SULT6B1: variants seen among roughly 807,000 people sequenced by gnomAD.
SULT6B1 encodes sulfotransferase family 6B member 1, also known as sulfotransferase 6B1.
SULT6B1 carries 44 observed loss-of-function variants against 37.2 expected under a neutral mutation model. The ratio of observed to expected loss-of-function variants is 1.18; its 90% confidence interval spans 0.93 to 1.52. The LOEUF is 1.52. SULT6B1 is among the 40% of genes most tolerant of loss of function. SULT6B1 has a pLI of 0.00. For synonymous variants in SULT6B1, 140 were observed against 126.0 expected, an observed-to-expected ratio of 1.11 and a Z score of -0.74; for missense variants, 450 against 361.0, an observed-to-expected ratio of 1.25 and a Z score of -2.00.
At chr2:37,182,754 A>T (rs1553343540) in intron 3 of SULT6B1, among the ~76,000 whole-genome samples, 1 of 152,236 alleles carries the variant, frequency 6.6e-6, no homozygotes, top group Non-Finnish European at 1.5e-5. Flanking sequence ...GTTGGGTAAA[A>T]ACTAGTAATT....
At chr2:37,179,890 G>C (rs984413030) in intron 3 of SULT6B1, among the ~76,000 whole-genome samples, 3 of 152,144 alleles carry the variant, frequency 2.0e-5, no homozygotes, top group Non-Finnish European at 2.9e-5. Flanking sequence ...AATCACAAGA[G>C]TATGACCTGA....
rs752501613 is a variant in SULT6B1, at chr2:37,188,477, T to G, written c.164A>C (p.His55Pro). ...ATAAGATGCTAGCACGATGTCATCA[T>G]GTCTGGCTTCGAAGGTGTCCAGCGC... ...FQALDTFEAR[H>P]DDIVLASYPK... The change falls in exon 1 of 7, where the codon CAT (histidine) becomes CCT (proline). Residue 55 changes from histidine (H) to proline (P), a missense_variant. Transcript: ENST00000535679. 1.9e-6 allele frequency: 3 copies of G among 1,614,186 alleles called. No homozygotes were observed. The Admixed American group carries it at 5.0e-5, about 27-fold the overall frequency.
chr2:37,174,574 C>T (rs1471995548), intron 5 of SULT6B1, among the ~76,000 whole-genome samples: 1 of 152,112 alleles, frequency 6.6e-6, no homozygotes, highest in Non-Finnish European at 1.5e-5. Context: ...TTTTCCTTCA[C>T]CAGCTATGCT....
At chr2:37,186,957 C>G (rs189105140) in intron 2 of SULT6B1, among the ~76,000 whole-genome samples, 1 of 152,182 alleles carries the variant, frequency 6.6e-6, no homozygotes, top group Non-Finnish European at 1.5e-5. Flanking sequence ...CTGCACAGGT[C>G]CATGTCTTCA....
In SULT6B1 at chr2:37,167,955, C is replaced by G. The variant is rs772460482; in HGVS notation, c.892G>C (p.Glu298Gln). Residue 298 changes from glutamate to glutamine, a missense_variant, in exon 7 of 7, where the codon GAA (glutamate) becomes CAA (glutamine). Glu to Gln is a conservative substitution (Grantham distance 29, BLOSUM62 2). Coordinates refer to ENST00000535679, the MANE Select transcript of SULT6B1 (RefSeq NM_001367551.1). ...TGGAATCAACCCTGGCAATATGATT[C>G]ATACTTCAACTTTGCTCCGAGGGAG... ...GTSLGAKLKY[E>Q]SYCQG 1 of 1,594,802 alleles carries G rather than the reference C, an allele frequency of 6.3e-7. No individual in the cohort carries two copies. Among genetic ancestry groups the G allele is most frequent in the South Asian group, 1.2e-5 (1 of 86,850 alleles).
At chr2:37,182,480 A>G (rs908592566) in intron 3 of SULT6B1, among the ~76,000 whole-genome samples, 4 of 152,040 alleles carry the variant, frequency 2.6e-5, no homozygotes, top group African/African-American at 9.7e-5. Context: ...CAAAAAACGC[A>G]ATTACTTTTG....
At position 37,175,176 on chromosome 2, in the gene SULT6B1, C is replaced by G; in HGVS notation, c.580G>C (p.Asp194His). 4 of 1,586,510 alleles carry G rather than the reference C, an allele frequency of 2.5e-6. No individual in the cohort carries two copies. Among genetic ancestry groups the G allele is most frequent in the Non-Finnish European group, 3.4e-6 (4 of 1,165,208 alleles). ...AATATGAACTTAACATTGTCGCCAT[C>G]AAGATGTTTGTTCCAATTGATTGCA... ...DFAINWNKHL[D>H]GDNVKFILYE... Residue 194 changes from aspartate (D) to histidine (H), a missense_variant, in exon 5 of 7, where the codon GAT becomes CAT. Asp to His is a moderately conservative substitution (Grantham distance 81, BLOSUM62 -1). Coordinates refer to ENST00000535679, the MANE Select transcript of SULT6B1 (RefSeq NM_001367551.1).
At chr2:37,191,759 C>T (rs1037350263), upstream of SULT6B1, among the ~76,000 whole-genome samples, 1 of 152,158 alleles carries the variant, frequency 6.6e-6, no homozygotes. Flanking sequence ...TACTGTATCC[C>T]CCACCCTTCA....
chr2:37,191,928 C>G (rs138773304), upstream of SULT6B1, among the ~76,000 whole-genome samples: 58 of 152,314 alleles, frequency 3.8e-4, no homozygotes, highest in East Asian at 9.3e-3. Flanking sequence ...GTTTGGGTGT[C>G]ACCATGTTCC....
At chr2:37,183,396 A>G (rs1485396877) in intron 3 of SULT6B1, 29 bp downstream of exon 3, 1 of 1,565,830 alleles carries the variant, frequency 6.4e-7, no homozygotes, top group African/African-American at 1.4e-5. Context: ...AGAAATTTCA[A>G]AGAATTATCA....
At position 37,182,689 on chromosome 2, in the gene SULT6B1, AAG is replaced by A. The variant is rs200795612; in HGVS notation, c.402+734_402+735del. ...AATCATTTTCTTCTGAGACAGAAAA[AAG>A]GCACCAAGAAATAAGGAACAGAGGG... is the stretch of plus-strand genomic sequence containing the variant. On this transcript the variant is annotated intron_variant, in intron 3 of 6. Transcript: ENST00000535679. 3.5e-4 allele frequency among the ~76,000 whole-genome samples: 53 copies of A among 152,298 alleles called. No individual in the cohort carries two copies. In the East Asian group the frequency reaches 9.1e-3, roughly 26 times the overall value.
At chr2:37,183,070 A>C (rs766265041) in intron 3 of SULT6B1, among the ~76,000 whole-genome samples, 8 of 152,184 alleles carry the variant, frequency 5.3e-5, no homozygotes, top group South Asian at 4.1e-4. Context: ...TCAGGTAAAT[A>C]GTGCTCACCA....
chr2:37,175,905 G>A (rs1295107852), intron 4 of SULT6B1, among the ~76,000 whole-genome samples: 2 of 152,126 alleles, frequency 1.3e-5, no homozygotes, highest in East Asian at 1.9e-4. Flanking sequence ...ATTCACATAC[G>A]CAACTTATTA....
At chr2:37,195,385 AT>A (rs1205632703) in intron 1 of SULT6B1, among the ~76,000 whole-genome samples, 2 of 152,136 alleles carry the variant, frequency 1.3e-5, no homozygotes, top group Non-Finnish European at 2.9e-5. Context: ...GTTTTTCACA[AT>A]TTATGATGCT....
intron 4 of SULT6B1, among the ~76,000 whole-genome samples, chr2:37,176,956 T>G (rs950339989): frequency 6.6e-6 from 1 of 152,130 alleles, no homozygotes; most frequent in African/African-American, 2.4e-5. Flanking sequence ...ATTGGAAGGA[T>G]AGTAGCCAAT....
chr2:37,176,739 T>C (rs901805995), intron 4 of SULT6B1, among the ~76,000 whole-genome samples: 1 of 152,088 alleles, frequency 6.6e-6, no homozygotes, highest in Non-Finnish European at 1.5e-5. Context: ...CCCTGATTAT[T>C]TGGGTCTAAG....
chr2:37,183,649 AT>A (rs1180540123), intron 2 of SULT6B1, 135 bp from the exon 3 acceptor site: 4 of 641,946 alleles, frequency 6.2e-6, no homozygotes, highest in South Asian at 4.4e-5. Context: ...TCCTCCTCCA[AT>A]TTTTCTTTTT....
chr2:37,171,394 C>T, intron 6 of SULT6B1, 40 bp downstream of exon 6: 4 of 1,601,554 alleles, frequency 2.5e-6, no homozygotes, highest in Non-Finnish European at 3.4e-6. Flanking sequence ...CAAAGTCAGT[C>T]CCTAACTGAT....
intron 4 of SULT6B1, among the ~76,000 whole-genome samples, chr2:37,175,802 C>T (rs1417132455): frequency 6.6e-6 from 1 of 152,064 alleles, no homozygotes; most frequent in Non-Finnish European, 1.5e-5. Context: ...GAGTATGAGA[C>T]ATATACTGAA....
Sources: gnomAD v4.1 joint callset for allele counts (sites outside exome capture counted in the v4.1 genomes callset) on GRCh38, gnomAD v4.1.1 for gene constraint, MANE v1.5 for transcripts, NCBI Gene and HGNC (gene_info 2026-07-23, HGNC 2026-07-21) for gene names.